Variants in MCTP1 observed in about 807,000 individuals in gnomAD.
MCTP1 encodes the protein multiple C2 and transmembrane domain-containing protein 1.
MCTP1 carries 69 observed loss-of-function variants against 120.6 expected under a neutral mutation model. The observed-to-expected ratio is 0.57, with a 90% CI of 0.47 to 0.70. The LOEUF (loss-of-function observed/expected upper bound fraction) is 0.70. Among genes scored for constraint, MCTP1 ranks in the 30% least tolerant of loss-of-function variants. MCTP1 has a pLI of 0.00. For missense variants in MCTP1, 1,203 were observed against 1,248.8 expected, an observed-to-expected ratio of 0.96 and a Z score of 0.55; for synonymous variants, 529 against 493.1, an observed-to-expected ratio of 1.07 and a Z score of -0.96.
chr5:94,807,428 C>T (rs1782574615), intron 17 of MCTP1, among the ~76,000 whole-genome samples: 1 of 152,152 alleles, frequency 6.6e-6, no homozygotes, highest in African/African-American at 2.4e-5. Flanking sequence ...AAATATATTG[C>T]TTTTCATTTT....
chr5:94,791,377 C>A (rs1193952819), intron 18 of MCTP1, among the ~76,000 whole-genome samples: 1 of 151,608 alleles, frequency 6.6e-6, no homozygotes, highest in Non-Finnish European at 1.5e-5. Flanking sequence ...CACCTGTTGT[C>A]CCAGCTAGGC....
chr5:95,101,200 G>A (rs1207309807), intron 1 of MCTP1, among the ~76,000 whole-genome samples: 1 of 152,112 alleles, frequency 6.6e-6, no homozygotes, highest in African/African-American at 2.4e-5. Flanking sequence ...AGTAAGCACA[G>A]AGGGAATGAC....
At chr5:94,859,574 T>C (rs910416746) in intron 17 of MCTP1, among the ~76,000 whole-genome samples, 2 of 151,744 alleles carry the variant, frequency 1.3e-5, no homozygotes, top group Non-Finnish European at 2.9e-5. Flanking sequence ...ATATGTACGA[T>C]TATTTTGTGT....
At chr5:94,725,048 G>C (rs752789385) in intron 19 of MCTP1, among the ~76,000 whole-genome samples, 1 of 152,116 alleles carries the variant, frequency 6.6e-6, no homozygotes. Context: ...AGGGTTTTCT[G>C]TAAAATCAAA....
chr5:94,845,628 T>C (rs1437275706), intron 17 of MCTP1, among the ~76,000 whole-genome samples: 1 of 152,136 alleles, frequency 6.6e-6, no homozygotes, highest in Non-Finnish European at 1.5e-5. Flanking sequence ...CACTGCAACC[T>C]CCCCTTCCTG....
intron 1 of MCTP1, among the ~76,000 whole-genome samples, chr5:95,046,753 C>G (rs978028119): frequency 2.6e-5 from 4 of 152,116 alleles, no homozygotes; most frequent in Non-Finnish European, 1.5e-5. Context: ...CATATCGACA[C>G]CCACCTCTAT....
intron 1 of MCTP1, among the ~76,000 whole-genome samples, chr5:95,126,604 A>T (rs1381141994): frequency 6.6e-6 from 1 of 152,082 alleles, no homozygotes; most frequent in Admixed American, 6.5e-5. Context: ...GACAGACTTG[A>T]TCCTCTAGAA....
At chr5:95,205,442 G>A (rs940819719) in intron 1 of MCTP1, among the ~76,000 whole-genome samples, 1 of 152,066 alleles carries the variant, frequency 6.6e-6, no homozygotes, top group Admixed American at 6.6e-5. Flanking sequence ...TTAGACAATG[G>A]TGTCTGACAC....
intron 19 of MCTP1, among the ~76,000 whole-genome samples, chr5:94,777,829 T>A (rs1775706218): frequency 6.6e-6 from 1 of 152,156 alleles, no homozygotes; most frequent in South Asian, 2.1e-4. Context: ...TGTTTGATGA[T>A]GTTGCTAATG....
intron 1 of MCTP1, among the ~76,000 whole-genome samples, chr5:95,097,083 A>G (rs966038084): frequency 6.6e-6 from 1 of 152,162 alleles, no homozygotes; most frequent in Non-Finnish European, 1.5e-5. Flanking sequence ...TATATCAGCA[A>G]TGCCTATTTG....
intron 1 of MCTP1, among the ~76,000 whole-genome samples, chr5:95,193,256 G>A (rs753776654): frequency 3.9e-5 from 6 of 152,034 alleles, no homozygotes; most frequent in Non-Finnish European, 5.9e-5. Context: ...TTTTTCTACT[G>A]CATGAATCAA....
At chr5:95,118,066 C>A (rs1757949478) in intron 1 of MCTP1, among the ~76,000 whole-genome samples, 1 of 152,104 alleles carries the variant, frequency 6.6e-6, no homozygotes, top group Admixed American at 6.5e-5. Context: ...ATAGTTAATG[C>A]ATGTTGGGCT....
intron 7 of MCTP1, among the ~76,000 whole-genome samples, chr5:94,919,194 C>G (rs972150254): frequency 3.3e-5 from 5 of 152,116 alleles, no homozygotes; most frequent in Non-Finnish European, 5.9e-5. Flanking sequence ...ATTCACTTTA[C>G]TCTATAATAA....
chr5:95,000,079 T>C (rs1050170956), intron 2 of MCTP1, among the ~76,000 whole-genome samples: 2 of 152,208 alleles, frequency 1.3e-5, no homozygotes, highest in East Asian at 1.9e-4. Context: ...GCATATATGA[T>C]GGTGGTCCCA....
intron 1 of MCTP1, among the ~76,000 whole-genome samples, chr5:95,183,106 C>G (rs1748799529): frequency 6.6e-6 from 1 of 151,508 alleles, no homozygotes. Flanking sequence ...ATGAATATAT[C>G]AGTGGAACAG....
chr5:94,953,844 C>CAACTATATATATGCATATATAT (rs1561916344), intron 2 of MCTP1, among the ~76,000 whole-genome samples: 439 of 13,988 alleles, frequency 0.031, 98 homozygotes, highest in African/African-American at 0.058. Flanking sequence ...TATATATATA[C>CAACTATATATATGCATATATAT]ACAACTATAT....
chr5:95,232,482 G>A (rs11741553), intron 1 of MCTP1, among the ~76,000 whole-genome samples: 1,985 of 144,610 alleles, frequency 0.014, 16 homozygotes, highest in Non-Finnish European at 0.019. Flanking sequence ...TTTTTGAGAC[G>A]GAGTCTCCCT....
In MCTP1 at chr5:94,952,822, C is replaced by A. The variant is rs184124924; in HGVS notation, c.981+397G>T. On this transcript the variant is annotated intron_variant, in intron 3 of 22. Transcript: ENST00000515393. ...CACCCTTCTCATGCTCCAAGTAAAG[C>A]ATTTTGCTTGCAGCCAGAAATGGCA... Among the ~76,000 whole-genome samples the A allele has an allele frequency of 5.5e-4, 83 of 151,974 alleles. 2 individuals carry two copies. Among genetic ancestry groups the A allele is most frequent in the Admixed American group, 5.2e-3 (79 of 15,260 alleles).
intron 19 of MCTP1, among the ~76,000 whole-genome samples, chr5:94,761,318 C>T (rs532332097): frequency 1.3e-5 from 2 of 152,244 alleles, no homozygotes; most frequent in African/African-American, 4.8e-5. Context: ...TTCCTGCTTC[C>T]CAGCTAGCTT....
Sources: gnomAD v4.1 joint callset for allele counts (sites outside exome capture counted in the v4.1 genomes callset) on GRCh38, gnomAD v4.1.1 for gene constraint, MANE v1.5 for transcripts, NCBI Gene and HGNC (gene_info 2026-07-23, HGNC 2026-07-21) for gene names.